The following DNAH1 variants were observed in gnomAD, a reference collection of about 807,000 sequenced individuals.
DNAH1 encodes the protein dynein axonemal heavy chain 1.
DNAH1 carries 327 observed loss-of-function variants against 484.3 expected under a neutral mutation model. That is an observed-to-expected ratio of 0.68 (90% CI 0.62 to 0.74). The LOEUF (loss-of-function observed/expected upper bound fraction) is 0.74, where lower values mean the gene tolerates loss of function less well. Ranked by LOEUF, DNAH1 falls within the 30% of genes least tolerant of loss-of-function variation. The pLI is 0.00. For synonymous variants in DNAH1, 2,192 were observed against 2,191.9 expected (o/e 1.00, Z 0.00); for missense variants, 5,052 against 5,546.8 (o/e 0.91, Z 2.83).
Position 52,352,720 on chromosome 3 carries a change from C to T in DNAH1, c.3027+13C>T, listed in dbSNP as rs1398100796. The T allele has an allele frequency of 6.2e-7, 1 of 1,604,528 alleles. No individual in the cohort carries two copies. The highest frequency in any genetic ancestry group is 8.5e-7 in the Non-Finnish European group (1 of 1,173,554). On this transcript the variant is annotated intron_variant, in intron 18 of 77. Coordinates refer to ENST00000420323, the MANE Select transcript of DNAH1 (RefSeq NM_015512.5). ...GCCCATCACCAATGTAGGCCTCCTG[C>T]AGGCACCCTGCCCCCATGCCCCCAG...
At position 52,345,438 on chromosome 3, in the gene DNAH1, G is replaced by A. The variant is rs1159943567; in HGVS notation, c.1445-57G>A. 6 of 1,448,148 alleles carry A rather than the reference G, an allele frequency of 4.1e-6. No individual in the cohort carries two copies. In the African/African-American group the frequency reaches 8.5e-5, roughly 20 times the overall value. 89.7% of individuals were successfully genotyped at this position (1,448,148 alleles called of 1,614,324 possible). ...TTCAAGCACCCTGTGGATCTGTCCTGTCCCCTGGTTTGGCCAGGCAGGGTC... is the reference window on the plus strand; with the variant it reads ...TTCAAGCACCCTGTGGATCTGTCCTATCCCCTGGTTTGGCCAGGCAGGGTC... On this transcript the variant is annotated intron_variant, in intron 9 of 77. Coordinates refer to ENST00000420323, the MANE Select transcript of DNAH1 (RefSeq NM_015512.5).
At chr3:52,340,307 C>G (rs1204416182) in intron 8 of DNAH1, among the ~76,000 whole-genome samples, 1 of 151,972 alleles carries the variant, frequency 6.6e-6, no homozygotes, top group Non-Finnish European at 1.5e-5. Flanking sequence ...GTCTCGAATT[C>G]CTGGGCTCAA....
rs1480567825 is a variant in DNAH1 at position 52,364,697 on chromosome 3, C to T, written c.5304C>T (p.Leu1768=). 1 of 1,613,816 alleles carries T rather than the reference C, an allele frequency of 6.2e-7. No homozygotes were observed. The highest frequency in any genetic ancestry group is 2.2e-5 in the East Asian group (1 of 44,872). The change falls in exon 33 of 78, where the codon CTC becomes CTT. Residue 1768 remains leucine (L), a synonymous_variant. Transcript: ENST00000420323. The surrounding 1 kb of genome is among the most constrained non-coding windows in gnomAD (Gnocchi z 4.2). ...VKTVISAAGN[L]KRENPSMNEE... ...CTGTGATCTCGGCTGCTGGGAACCT[C>T]AAGCGAGAAAACCCCAGCATGAATG...
chr3:52,357,388 C>T (rs1259719100), intron 22 of DNAH1, among the ~76,000 whole-genome samples: 1 of 152,162 alleles, frequency 6.6e-6, no homozygotes, highest in East Asian at 1.9e-4. Flanking sequence ...ACAAGTCCTG[C>T]AGCAAAGCAA....
chr3:52,383,804 C>T (rs1018421488), intron 51 of DNAH1, 56 bp from the exon 52 acceptor site: 58 of 1,523,208 alleles, frequency 3.8e-5, no homozygotes, highest in Non-Finnish European at 5.0e-5. Context: ...GGGTCCTGGG[C>T]TCCTGGGGTC....
intron 56 of DNAH1, 134 bp downstream of exon 56, chr3:52,386,987 C>A: frequency 1.0e-6 from 1 of 956,230 alleles, no homozygotes; most frequent in Non-Finnish European, 1.5e-6. Flanking sequence ...CTCTCTCTGT[C>A]CACCTCCACA....
chr3:52,359,918 C>G lies in DNAH1; in HGVS notation c.4410C>G (p.Leu1470=). Residue 1470 remains leucine (L), a splice_region_variant and synonymous_variant, in exon 27 of 78, where the codon CTC becomes CTG. Coordinates refer to ENST00000420323, the MANE Select transcript of DNAH1 (RefSeq NM_015512.5). ...GACAGTGCACCCCATTTCTGCAGCT[C>G]AGTGATCTGGTGGCCCTTGTGCGGG... ...SQLFPQLCQQ[L]SDLVALVRGK... The G allele has an allele frequency of 6.2e-7, 1 of 1,613,736 alleles. No individual in the cohort carries two copies. Among genetic ancestry groups the G allele is most frequent in the Non-Finnish European group, 8.5e-7 (1 of 1,179,852 alleles).
intron 3 of DNAH1, among the ~76,000 whole-genome samples, 184 bp from the exon 4 acceptor site, chr3:52,325,956 C>A (rs11710014): frequency 1.3e-5 from 2 of 152,126 alleles, no homozygotes; most frequent in East Asian, 3.8e-4. Flanking sequence ...CCTCCAGGCT[C>A]ATAGCCCCAG....
chr3:52,392,782 C>T (rs772232736), intron 64 of DNAH1, 48 bp from the exon 65 acceptor site: 136 of 1,527,958 alleles, frequency 8.9e-5, no homozygotes, highest in Non-Finnish European at 1.2e-4. Context: ...CCCCCAAACC[C>T]CCTACCTTCT....
chr3:52,389,617 C>A, intron 60 of DNAH1, 31 bp downstream of exon 60: 1 of 1,405,962 alleles, frequency 7.1e-7, no homozygotes, highest in East Asian at 3.0e-5. Context: ...AGTGCCCAGG[C>A]AGGGCCTGTG....
chr3:52,396,223 G>A (rs1045851150), intron 70 of DNAH1, 145 bp from the exon 71 acceptor site: 35 of 883,300 alleles, frequency 4.0e-5, no homozygotes, highest in African/African-American at 8.5e-5. Context: ...GTGAGCCACC[G>A]CGCCCAGCCA....
rs772508210 is a variant in DNAH1 at position 52,394,544 on chromosome 3, G to C, written c.10706G>C (p.Arg3569Pro). The change falls in exon 67 of 78, where the codon CGG becomes CCG. Residue 3569 changes from arginine (R) to proline (P), a missense_variant. Arg to Pro is a moderately radical substitution (Grantham distance 103). This residue lies in a region of DNAH1 where 853 missense variants were observed against 899.0 expected (regional missense o/e 0.95). Coordinates refer to ENST00000420323, the MANE Select transcript of DNAH1 (RefSeq NM_015512.5). ...ENPAPDWLSDRAWRDILALSN... is the reference protein window; with the variant it reads ...ENPAPDWLSDPAWRDILALSN... Reference sequence around the variant, plus strand: ...CCGGCACCGGACTGGCTGTCAGACCGGGCTTGGCGAGACATCCTAGCACTC... The same window carrying C: ...CCGGCACCGGACTGGCTGTCAGACCCGGCTTGGCGAGACATCCTAGCACTC... 12 of 1,613,840 alleles carry C rather than the reference G, an allele frequency of 7.4e-6. No individual in the cohort carries two copies. Among genetic ancestry groups the C allele is most frequent in the Admixed American group, 5.0e-5 (3 of 59,992 alleles).
rs367709805 is a variant in DNAH1, at chr3:52,384,865, A to C, written c.8402A>C (p.Tyr2801Ser). The part of the protein sequence containing the change: ...EYLAELTRHN[Y>S]VTPKSYLELL... ...CTGGCAGAGCTGACCCGCCACAACT[A>C]TGTGACCCCCAAGAGCTACTTGGAG... Residue 2801 changes from tyrosine to serine, a missense_variant, in exon 53 of 78, where the codon TAT becomes TCT. Physicochemically the swap from Tyr to Ser is moderately radical, Grantham distance 144 (BLOSUM62 -2). Around this residue, in one of 4 missense-constraint regions of DNAH1, gnomAD observed 2,929 missense variants for 3,409.4 expected, o/e 0.86. Coordinates refer to ENST00000420323, the MANE Select transcript of DNAH1 (RefSeq NM_015512.5). The C allele has an allele frequency of 5.0e-6, 8 of 1,612,934 alleles. No individual in the cohort carries two copies. The highest frequency in any genetic ancestry group is 6.8e-6 in the Non-Finnish European group (8 of 1,179,434).
At chr3:52,394,134 C>T (rs1049299734) in intron 66 of DNAH1, among the ~76,000 whole-genome samples, 5 of 152,358 alleles carry the variant, frequency 3.3e-5, no homozygotes, top group Admixed American at 6.5e-5. Flanking sequence ...AAAGCCCTGC[C>T]GAGACAGTGA....
In DNAH1 at chr3:52,375,998, G is replaced by C. The variant is rs1436665105; in HGVS notation, c.7198+5G>C. On this transcript the variant is annotated splice_donor_5th_base_variant and intron_variant, in intron 46 of 77. Transcript: ENST00000420323. ...AAAGCTACCGGGAGCGTGTGCGTAA[G>C]TGTGGGCCTGGGCGGGAATGGGGCA... 5 of 1,611,724 alleles carry C rather than the reference G, an allele frequency of 3.1e-6. No homozygotes were observed. The highest frequency in any genetic ancestry group is 3.3e-4 in the Middle Eastern group (2 of 6,048).
chr3:52,323,770 G>T (rs767584966), intron 2 of DNAH1, 38 bp from the exon 3 acceptor site: 53 of 1,549,666 alleles, frequency 3.4e-5, no homozygotes, highest in Non-Finnish European at 4.4e-5. Flanking sequence ...GTCCCTGGGA[G>T]GTTGACACAT....
At chr3:52,386,973 C>T (rs1704139032) in intron 56 of DNAH1, 120 bp downstream of exon 56, 8 of 1,037,776 alleles carry the variant, frequency 7.7e-6, no homozygotes, top group Non-Finnish European at 9.6e-6. Flanking sequence ...GGCCTCTGTC[C>T]TGTCTCTCTC....
intron 8 of DNAH1, among the ~76,000 whole-genome samples, chr3:52,335,534 C>T (rs1701712446): frequency 6.6e-6 from 1 of 151,818 alleles, no homozygotes; most frequent in South Asian, 2.1e-4. Context: ...GTTTTGAACT[C>T]CTGACCTCAG....
chr3:52,320,690 C>T (rs1578061636), intron 1 of DNAH1, among the ~76,000 whole-genome samples: 1 of 152,050 alleles, frequency 6.6e-6, no homozygotes, highest in Non-Finnish European at 1.5e-5. Context: ...CTCTTTGTCT[C>T]AGTGTGCAGA....
Sources: allele counts gnomAD v4.1 joint callset (sites outside exome capture counted in the v4.1 genomes callset), GRCh38; gene constraint gnomAD v4.1.1; regional missense constraint gnomAD v4.1.1; non-coding constraint Gnocchi (gnomAD v3.1); transcripts MANE v1.5; gene names NCBI Gene and HGNC (gene_info 2026-07-23, HGNC 2026-07-21).